TMPRSS6: variants seen among roughly 807,000 people sequenced by gnomAD.
TMPRSS6 encodes transmembrane serine protease 6.
In TMPRSS6, 67 loss-of-function variants were observed where a neutral mutation model predicts 101.5. The ratio of observed to expected loss-of-function variants is 0.66; its 90% confidence interval spans 0.54 to 0.81. The LOEUF (loss-of-function observed/expected upper bound fraction) is 0.81, where lower values mean the gene tolerates loss of function less well. Ranked by LOEUF, TMPRSS6 falls within the 30% of genes least tolerant of loss-of-function variation. The pLI, the probability that TMPRSS6 is intolerant of heterozygous loss-of-function variation, is 0.00. For synonymous variants in TMPRSS6, 453 were observed against 464.9 expected (o/e 0.97, Z 0.33); for missense variants, 1,034 against 1,088.7 (o/e 0.95, Z 0.71).
At chr22:37,078,948 GGAGAA>G (rs1927977894) in intron 10 of TMPRSS6, among the ~76,000 whole-genome samples, 5 of 102,666 alleles carry the variant, frequency 4.9e-5, no homozygotes, top group Non-Finnish European at 8.4e-5. Context: ...AGAAGGAGAA[GGAGAA>G]AAAGAGAAAG....
chr22:37,075,146 T>C lies in TMPRSS6; in HGVS notation c.1331A>G (p.Asn444Ser). ...PGVRVHYGLYNQSDPCPGEFL... is the reference protein window; with the variant it reads ...PGVRVHYGLYSQSDPCPGEFL... The stretch of plus-strand genomic sequence containing the variant: ...CTGCCCATACTCACGGTCCGACTGG[T>C]TGTACAAGCCATAGTGCACCCGCAC... The change falls in exon 11 of 18, where the codon AAC becomes AGC. Residue 444 changes from asparagine (N) to serine (S), a missense_variant. Transcript: ENST00000676104. 1 of 1,613,754 alleles carries C rather than the reference T, an allele frequency of 6.2e-7. No homozygotes were observed. The highest frequency in any genetic ancestry group is 8.5e-7 in the Non-Finnish European group (1 of 1,180,030).
At position 37,103,762 on chromosome 22, in the gene TMPRSS6, G is replaced by A. The variant is rs1930535366; in HGVS notation, c.-1-344C>T. 2 of 645,668 alleles carry A rather than the reference G, an allele frequency of 3.1e-6. No homozygotes were observed. Among genetic ancestry groups the A allele is most frequent in the Non-Finnish European group, 5.5e-6 (2 of 361,644 alleles). 40.0% of individuals were successfully genotyped at this position (645,668 alleles called of 1,614,324 possible). A position where few individuals can be genotyped will look rare whatever the true frequency, so the allele number is the denominator to read the frequency against. On this transcript the variant is annotated intron_variant, in intron 1 of 17. Transcript: ENST00000676104. This position sits in a 1 kb window ranked among gnomAD's most constrained non-coding sequence, Gnocchi z 4.4. ...GGCTGCACCCACAGACAGAACTGAAGTACATGGGGTGCAGACTTCTGTAGA... is the reference window on the plus strand; with the variant it reads ...GGCTGCACCCACAGACAGAACTGAAATACATGGGGTGCAGACTTCTGTAGA...
chr22:37,098,589 G>T (rs1235032723), intron 2 of TMPRSS6, 40 bp from the exon 3 acceptor site: 1 of 1,613,932 alleles, frequency 6.2e-7, no homozygotes, highest in Non-Finnish European at 8.5e-7. Context: ...GGAGGAAGCA[G>T]GTGGGAAAGT....
rs1378176077 is a variant in TMPRSS6 at position 37,103,469 on chromosome 22, G to A, written c.-1-51C>T. ...GAAACAGCCTCGCATTTGCAAGGGA[G>A]CCTCTGCTGAGCACCGGTGGGGCAC... On this transcript the variant is annotated intron_variant, in intron 1 of 17. Coordinates refer to ENST00000676104, the MANE Select transcript of TMPRSS6 (RefSeq NM_001374504.1). This position sits in a 1 kb window ranked among gnomAD's most constrained non-coding sequence, Gnocchi z 4.4. 6.2e-7 allele frequency: 1 copy of A among 1,614,232 alleles called. No homozygotes were observed. Among genetic ancestry groups the A allele is most frequent in the Non-Finnish European group, 8.5e-7 (1 of 1,180,040 alleles).
Position 37,069,077 on chromosome 22 carries a change from C to A in TMPRSS6, c.2109G>T (p.Glu703Asp). The change falls in exon 16 of 18, where the codon GAG becomes GAT. Residue 703 changes from glutamate (E) to aspartate (D), a missense_variant. Physicochemically the swap from Glu to Asp is conservative, Grantham distance 45. Transcript: ENST00000676104. This position sits in a 1 kb window ranked among gnomAD's most constrained non-coding sequence, Gnocchi z 4.8. ...CWITGWGALR[E>D]GGPISNALQK... is the part of the protein sequence containing the mutation. ...CCGCAAGTCCCCGCTGCTCACCGCC[C>A]TCGCGCAAGGCGCCCCAGCCCGTAA... 1 of 1,542,100 alleles carries A rather than the reference C, an allele frequency of 6.5e-7. No individual in the cohort carries two copies.
Position 37,103,393 on chromosome 22 carries a change from C to A in TMPRSS6, c.25G>T (p.Val9Leu), listed in dbSNP as rs767172403. The change falls in exon 2 of 18, where the codon GTG becomes TTG. Residue 9 changes from valine to leucine, a missense_variant. Val to Leu is a conservative substitution (Grantham distance 32, BLOSUM62 1). Transcript: ENST00000676104. The surrounding 1 kb of genome is among the most constrained non-coding windows in gnomAD (Gnocchi z 4.4). MPVAEAPQVAGGQGDGGDG... is the reference protein window; with the variant it reads MPVAEAPQLAGGQGDGGDG... ...CCTCCGTCCCCCTGCCCGCCAGCCA[C>A]CTGGGGGGCCTCGGCCACGGGCATC... 1.2e-6 allele frequency: 2 copies of A among 1,614,218 alleles called. No homozygotes were observed. Among genetic ancestry groups the A allele is most frequent in the Admixed American group, 3.3e-5 (2 of 60,024 alleles).
chr22:37,103,195 C>T lies in TMPRSS6; in HGVS notation c.202+21G>A, dbSNP rs752450416. The T allele has an allele frequency of 2.5e-6, 4 of 1,613,430 alleles. No homozygotes were observed. In the South Asian group the frequency reaches 4.4e-5, roughly 18 times the overall value. On this transcript the variant is annotated intron_variant, in intron 2 of 17. Transcript: ENST00000676104. This position sits in a 1 kb window ranked among gnomAD's most constrained non-coding sequence, Gnocchi z 4.4. ...CCAAGTCCTCCCCAGGTGCCTCTCCCAGGCGGTCCCACAACGTTACCTAGG... is the reference window on the plus strand; with the variant it reads ...CCAAGTCCTCCCCAGGTGCCTCTCCTAGGCGGTCCCACAACGTTACCTAGG...
chr22:37,109,080 T>C (rs926601870), intron 1 of TMPRSS6, among the ~76,000 whole-genome samples: 1 of 152,172 alleles, frequency 6.6e-6, no homozygotes, highest in Non-Finnish European at 1.5e-5. Flanking sequence ...CCCAGGGTCC[T>C]GGGCTTAAGT....
chr22:37,086,715 A>G (rs1297233803), intron 7 of TMPRSS6, among the ~76,000 whole-genome samples: 2 of 151,942 alleles, frequency 1.3e-5, no homozygotes, highest in African/African-American at 4.8e-5. Context: ...CTCGAGTCCC[A>G]TGCTCCCTCC....
intron 16 of TMPRSS6, among the ~76,000 whole-genome samples, chr22:37,067,218 C>G (rs1359293534): frequency 2.6e-5 from 4 of 152,306 alleles, no homozygotes; most frequent in African/African-American, 7.2e-5. Flanking sequence ...TGCCTGTAAT[C>G]CCAGCACTTT....
intron 7 of TMPRSS6, among the ~76,000 whole-genome samples, chr22:37,087,852 T>A (rs759036716): frequency 1.8e-4 from 27 of 151,940 alleles, no homozygotes; most frequent in Non-Finnish European, 3.5e-4. Context: ...GCCCTTCTTA[T>A]AAATGAAATA....
chr22:37,097,845 A>G (rs1355945490), intron 3 of TMPRSS6, among the ~76,000 whole-genome samples: 3 of 98,086 alleles, frequency 3.1e-5, no homozygotes, highest in South Asian at 3.7e-4. Context: ...GAGGGGGAAG[A>G]GCGGGCCACC....
In TMPRSS6 at chr22:37,089,586, G is replaced by A. The variant is rs1334496578; in HGVS notation, c.828C>T (p.Leu276=). Residue 276 remains leucine, a synonymous_variant, in exon 7 of 18, where the codon CTC becomes CTT. Transcript: ENST00000676104. ...CCTTCCCAGGGACTCACGAGGTGAT[G>A]AGCCTCTTCTCCAGGGGCCCGGCCA... ...YDVAGPLEKR[L]ITSVYGCSRQ... 4.3e-6 allele frequency: 6 copies of A among 1,401,342 alleles called. No individual in the cohort carries two copies. Among genetic ancestry groups the A allele is most frequent in the South Asian group, 1.1e-5 (1 of 87,198 alleles). 86.8% of individuals were successfully genotyped at this position (1,401,342 alleles called of 1,614,324 possible).
chr22:37,103,104 A>G lies in TMPRSS6; in HGVS notation c.202+112T>C. On this transcript the variant is annotated intron_variant, in intron 2 of 17. Coordinates refer to ENST00000676104, the MANE Select transcript of TMPRSS6 (RefSeq NM_001374504.1). This position sits in a 1 kb window ranked among gnomAD's most constrained non-coding sequence, Gnocchi z 4.4. ...AGAAGTGACTTGCCCAAGGTCACAC[A>G]GCAATATGCTAAGCACGGCTGAGCC... is the stretch of plus-strand genomic sequence containing the variant. 8.7e-7 allele frequency: 1 copy of G among 1,150,610 alleles called. No individual in the cohort carries two copies. 71.3% of individuals were successfully genotyped at this position (1,150,610 alleles called of 1,614,324 possible). A position where few individuals can be genotyped will look rare whatever the true frequency, so the allele number is the denominator to read the frequency against.
At position 37,084,801 on chromosome 22, in the gene TMPRSS6, A is replaced by G. The variant is rs1228128562; in HGVS notation, c.1012T>C (p.Ser338Pro). Residue 338 changes from serine (S) to proline (P), a missense_variant, in exon 9 of 18, where the codon TCC (serine) becomes CCC (proline). Ser to Pro is a moderately conservative substitution (Grantham distance 74). Coordinates refer to ENST00000676104, the MANE Select transcript of TMPRSS6 (RefSeq NM_001374504.1). Reference sequence around the variant, plus strand: ...TACGGGGTGCTGAGGACGCCCTGGGAGTCGAGCCTGTTGTCCAGCGTCAGG... The same window carrying G: ...TACGGGGTGCTGAGGACGCCCTGGGGGTCGAGCCTGTTGTCCAGCGTCAGG... ...VNLTLDNRLD[S>P]QGVLSTPYFP... The G allele has an allele frequency of 1.3e-6, 2 of 1,561,958 alleles. No individual in the cohort carries two copies. The highest frequency in any genetic ancestry group is 1.2e-5 in the South Asian group (1 of 84,766).
At position 37,070,542 on chromosome 22, in the gene TMPRSS6, C is replaced by T; in HGVS notation, c.1783G>A (p.Gly595Arg). ...ACCCAGCGGTCAGCGATGAGGGCCCCCCCACAGATGTGTCGACCCCGAACC... is the reference window on the plus strand; with the variant it reads ...ACCCAGCGGTCAGCGATGAGGGCCCTCCCACAGATGTGTCGACCCCGAACC... ...LQVRGRHICG[G>R]ALIADRWVIT... Residue 595 changes from glycine (G) to arginine (R), a missense_variant, in exon 15 of 18, where the codon GGG (glycine) becomes AGG (arginine). Coordinates refer to ENST00000676104, the MANE Select transcript of TMPRSS6 (RefSeq NM_001374504.1). 1 of 1,613,426 alleles carries T rather than the reference C, an allele frequency of 6.2e-7. No individual in the cohort carries two copies. The highest frequency in any genetic ancestry group is 8.5e-7 in the Non-Finnish European group (1 of 1,180,024).
intron 13 of TMPRSS6, among the ~76,000 whole-genome samples, chr22:37,072,656 TG>T (rs1927180159): frequency 7.5e-6 from 1 of 133,596 alleles, no homozygotes; most frequent in African/African-American, 3.0e-5. Context: ...GGATGATGGA[TG>T]GATGGATGAT....
rs1462136301 is a variant in TMPRSS6 at position 37,098,399 on chromosome 22, C to T, written c.336+17G>A. 6.2e-7 allele frequency: 1 copy of T among 1,613,886 alleles called. No individual in the cohort carries two copies. The highest frequency in any genetic ancestry group is 8.5e-7 in the Non-Finnish European group (1 of 1,179,994). ...CCCCCATATTCCCTCCCTCTCATCC[C>T]CCAGATCCTTTCCTACCATCTTCTG... On this transcript the variant is annotated intron_variant, in intron 3 of 17. Transcript: ENST00000676104.
intron 7 of TMPRSS6, among the ~76,000 whole-genome samples, chr22:37,088,759 C>A (rs945732702): frequency 6.6e-6 from 1 of 152,196 alleles, no homozygotes; most frequent in African/African-American, 2.4e-5. Context: ...ATGCCTTTTG[C>A]GGCCCAGTCC....
Sources: gnomAD v4.1 joint callset for allele counts (sites outside exome capture counted in the v4.1 genomes callset) on GRCh38, gnomAD v4.1.1 for gene constraint, Gnocchi (gnomAD v3.1) non-coding constraint, MANE v1.5 for transcripts, NCBI Gene and HGNC (gene_info 2026-07-23, HGNC 2026-07-21) for gene names.